The following SLC24A2 variants were observed in gnomAD, a reference collection of about 807,000 sequenced individuals.
SLC24A2 encodes solute carrier family 24 member 2, also known as sodium/potassium/calcium exchanger 2.
A neutral mutation model predicts 62.0 loss-of-function variants in SLC24A2; 36 were observed. The ratio of observed to expected loss-of-function variants is 0.58; its 90% CI spans 0.44 to 0.77. The LOEUF is 0.77. Among genes scored for constraint, SLC24A2 ranks in the 30% least tolerant of loss-of-function variants. SLC24A2 has a pLI of 0.00. For synonymous variants in SLC24A2, 358 were observed against 294.0 expected (o/e 1.22, Z -2.23); for missense variants, 846 against 817.9 (o/e 1.03, Z -0.42).
At chr9:20,033,390 A>G in the SLC24A2 span, among the ~76,000 whole-genome samples, 7 of 152,236 alleles carry the variant, frequency 4.6e-5, no homozygotes, top group Admixed American at 1.3e-4. Context: ...ATAGGGATGT[A>G]ATACCTAATA....
chr9:19,644,049 C>A (rs891232818), intron 2 of SLC24A2, among the ~76,000 whole-genome samples: 1 of 152,226 alleles, frequency 6.6e-6, no homozygotes, highest in Admixed American at 6.5e-5. Flanking sequence ...CATTTCACAA[C>A]TAAAGACATT....
chr9:20,300,897 G>A, the SLC24A2 span, among the ~76,000 whole-genome samples: 1 of 152,182 alleles, frequency 6.6e-6, no homozygotes, highest in Non-Finnish European at 1.5e-5. Flanking sequence ...ACATTTGCCT[G>A]CCTGCTGTTG....
the SLC24A2 span, among the ~76,000 whole-genome samples, chr9:20,014,517 T>TATATATATATATATATATATATACAC: frequency 1.1e-4 from 17 of 148,448 alleles, no homozygotes; most frequent in African/African-American, 4.0e-4. Flanking sequence ...TATATATATA[T>TATATATATATATATATATATATACAC]ACACACACAC....
At chr9:20,153,165 T>C in the SLC24A2 span, among the ~76,000 whole-genome samples, 4 of 151,966 alleles carry the variant, frequency 2.6e-5, no homozygotes, top group African/African-American at 9.7e-5. Flanking sequence ...TTTTGCTCTG[T>C]AACAATTTTT....
At chr9:19,785,133 G>T (rs948158764) in intron 2 of SLC24A2, among the ~76,000 whole-genome samples, 3 of 152,114 alleles carry the variant, frequency 2.0e-5, no homozygotes, top group African/African-American at 7.2e-5. Flanking sequence ...GATGCCATTT[G>T]TCCACTATTT....
chr9:19,864,966 A>C, the SLC24A2 span, among the ~76,000 whole-genome samples: 19 of 152,216 alleles, frequency 1.2e-4, no homozygotes, highest in African/African-American at 4.6e-4. Flanking sequence ...AAATGCCTAG[A>C]ATTGATAAAT....
At chr9:19,988,551 C>T in the SLC24A2 span, among the ~76,000 whole-genome samples, 2 of 152,150 alleles carry the variant, frequency 1.3e-5, no homozygotes, top group Non-Finnish European at 2.9e-5. Context: ...ACAAGGCTCT[C>T]ACCAGCTGGC....
At chr9:20,037,424 G>A in the SLC24A2 span, among the ~76,000 whole-genome samples, 14 of 152,220 alleles carry the variant, frequency 9.2e-5, 1 homozygote, top group African/African-American at 3.1e-4. Context: ...TATGACATTT[G>A]CTCTATTTAT....
At chr9:20,150,607 C>CTAGATTATAAT in the SLC24A2 span, among the ~76,000 whole-genome samples, 8,367 of 151,702 alleles carry the variant, frequency 0.055, 754 homozygotes, top group African/African-American at 0.19. Context: ...AGGAATCTAG[C>CTAGATTATAAT]CTAAAAATAT....
At chr9:19,633,788 GTT>G (rs1426942400) in intron 2 of SLC24A2, among the ~76,000 whole-genome samples, 1 of 151,882 alleles carries the variant, frequency 6.6e-6, no homozygotes, top group Non-Finnish European at 1.5e-5. Context: ...TAATTGGATT[GTT>G]TGTTTCCTTA....
intron 4 of SLC24A2, among the ~76,000 whole-genome samples, chr9:19,603,236 A>G (rs537101444): frequency 6.6e-6 from 1 of 152,300 alleles, no homozygotes; most frequent in South Asian, 2.1e-4. Flanking sequence ...CATCTTGGGT[A>G]CATTTTTGCT....
At chr9:19,866,279 AG>A in the SLC24A2 span, among the ~76,000 whole-genome samples, 1 of 152,222 alleles carries the variant, frequency 6.6e-6, no homozygotes, top group Non-Finnish European at 1.5e-5. Context: ...GCCACTTTGG[AG>A]AACAGTTTGG....
chr9:19,650,778 C>A (rs1259813147), intron 2 of SLC24A2, among the ~76,000 whole-genome samples: 3 of 151,630 alleles, frequency 2.0e-5, no homozygotes, highest in Non-Finnish European at 4.4e-5. Flanking sequence ...GGATTCACAA[C>A]CGAAATAAAA....
intron 2 of SLC24A2, among the ~76,000 whole-genome samples, chr9:19,771,499 G>C (rs533459026): frequency 6.6e-6 from 1 of 152,276 alleles, no homozygotes; most frequent in Non-Finnish European, 1.5e-5. Flanking sequence ...GCCCTTCATA[G>C]TAAGCATCAA....
chr9:19,806,876 C>G, the SLC24A2 span, among the ~76,000 whole-genome samples: 1 of 152,152 alleles, frequency 6.6e-6, no homozygotes, highest in Admixed American at 6.5e-5. Context: ...TAGGTCCCTC[C>G]TTTCTTTGCA....
In SLC24A2 at chr9:19,508,866, A is replaced by G. The variant is rs1206745338; in HGVS notation, c.*7287T>C. ...AGTTTTTAGTTGTGGGGACATCTTT[A>G]TATATGTGTGTGTAAACAGTGTACC... On this transcript the variant is annotated 3_prime_UTR_variant, in exon 11 of 11. Coordinates refer to ENST00000341998, the MANE Select transcript of SLC24A2 (RefSeq NM_020344.4). 1 of 152,144 alleles carries G rather than the reference A, an allele frequency of 6.6e-6. No homozygotes were observed. The highest frequency in any genetic ancestry group is 1.5e-5 in the Non-Finnish European group (1 of 68,040). 9.4% of individuals were successfully genotyped at this position (152,144 alleles called of 1,614,324 possible).
the SLC24A2 span, among the ~76,000 whole-genome samples, chr9:19,911,203 T>A: frequency 6.2e-4 from 94 of 152,010 alleles, no homozygotes; most frequent in Middle Eastern, 6.8e-3. Flanking sequence ...TTACTGAGAA[T>A]GATGATTTCC....
chr9:20,085,095 A>C, the SLC24A2 span, among the ~76,000 whole-genome samples: 1 of 152,316 alleles, frequency 6.6e-6, no homozygotes, highest in Middle Eastern at 3.4e-3. Flanking sequence ...TCCTGGGCTC[A>C]AACAGTACTC....
the SLC24A2 span, among the ~76,000 whole-genome samples, chr9:20,295,428 A>C: frequency 1.3e-5 from 2 of 152,170 alleles, no homozygotes; most frequent in African/African-American, 2.4e-5. Flanking sequence ...TGTGGACTTA[A>C]TTTTAAGTAC....
Sources: gnomAD v4.1 joint callset for allele counts (sites outside exome capture counted in the v4.1 genomes callset) on GRCh38, gnomAD v4.1.1 for gene constraint, MANE v1.5 for transcripts, NCBI Gene and HGNC (gene_info 2026-07-23, HGNC 2026-07-21) for gene names.